The following CAMSAP2 variants were observed in gnomAD, a reference collection of about 807,000 sequenced individuals.
The protein encoded by CAMSAP2 is calmodulin regulated spectrin associated protein family member 2, also known as calmodulin-regulated spectrin-associated protein 2.
A neutral mutation model predicts 146.1 loss-of-function variants in CAMSAP2; 26 were observed. The observed-to-expected ratio is 0.18, with a 90% CI of 0.13 to 0.25. The LOEUF is 0.25. Ranked by LOEUF, CAMSAP2 falls within the 10% of genes least tolerant of loss-of-function variation. The pLI, the probability that CAMSAP2 is intolerant of heterozygous loss-of-function variation, is 1.00. For synonymous variants in CAMSAP2, 499 were observed against 596.6 expected (o/e 0.84, Z 2.38); for missense variants, 1,381 against 1,759.3 (o/e 0.78, Z 3.85).
At chr1:200,786,529 G>A (rs1276932024) in intron 2 of CAMSAP2, among the ~76,000 whole-genome samples, 1 of 151,962 alleles carries the variant, frequency 6.6e-6, no homozygotes, top group Admixed American at 6.6e-5. Context: ...AATTATAGGC[G>A]CCCACCACCA....
At chr1:200,772,650 A>G (rs1454888801) in intron 2 of CAMSAP2, among the ~76,000 whole-genome samples, 2 of 152,136 alleles carry the variant, frequency 1.3e-5, no homozygotes, top group Non-Finnish European at 2.9e-5. Context: ...AAAAATACAA[A>G]TGTAGTTAAA....
chr1:200,840,277 C>G (rs1260434024), intron 6 of CAMSAP2, among the ~76,000 whole-genome samples: 1 of 151,988 alleles, frequency 6.6e-6, no homozygotes, highest in Non-Finnish European at 1.5e-5. Context: ...CTTCTCTTTT[C>G]ATCACTTTCT....
chr1:200,794,995 G>A (rs1665847107), intron 2 of CAMSAP2, among the ~76,000 whole-genome samples: 1 of 152,176 alleles, frequency 6.6e-6, no homozygotes, highest in South Asian at 2.1e-4. Context: ...TATAGTTGAG[G>A]TATTGAAGCA....
intron 1 of CAMSAP2, among the ~76,000 whole-genome samples, chr1:200,758,298 A>G (rs1664702363): frequency 6.6e-6 from 1 of 152,246 alleles, no homozygotes; most frequent in Admixed American, 6.5e-5. Flanking sequence ...TTTTACTGAT[A>G]CAGGAAATAA....
chr1:200,825,442 T>C (rs1482902198), intron 4 of CAMSAP2, among the ~76,000 whole-genome samples: 1 of 152,108 alleles, frequency 6.6e-6, no homozygotes, highest in African/African-American at 2.4e-5. Flanking sequence ...CTCTTTTCAG[T>C]AACTGTATAT....
intron 2 of CAMSAP2, among the ~76,000 whole-genome samples, chr1:200,774,145 G>A (rs1228607251): frequency 6.6e-6 from 1 of 151,876 alleles, no homozygotes; most frequent in Non-Finnish European, 1.5e-5. Context: ...AACCATTTTT[G>A]CAATTTGTTA....
At chr1:200,790,350 G>A (rs1571757571) in intron 2 of CAMSAP2, among the ~76,000 whole-genome samples, 1 of 152,266 alleles carries the variant, frequency 6.6e-6, no homozygotes, top group Non-Finnish European at 1.5e-5. Context: ...GGGCAGCGGG[G>A]CTGGGGGGAA....
chr1:200,739,299 C>T lies in CAMSAP2; in HGVS notation c.-529C>T, dbSNP rs1371486764. 6.6e-6 allele frequency among the ~76,000 whole-genome samples: 1 copy of T among 152,152 alleles called. No individual in the cohort carries two copies. The highest frequency in any genetic ancestry group is 1.5e-5 in the Non-Finnish European group (1 of 67,998). On this transcript the variant is annotated 5_prime_UTR_variant, in exon 1 of 17. Coordinates refer to ENST00000358823, the MANE Select transcript of CAMSAP2 (RefSeq NM_203459.4). The surrounding 1 kb of genome is among the most constrained non-coding windows in gnomAD (Gnocchi z 4.8). ...CGCTTCCCCCTCGTCCTGCTCGTCC[C>T]TCCGCCCACCCGGGGCCTGAGGGGT...
intron 2 of CAMSAP2, among the ~76,000 whole-genome samples, chr1:200,781,046 CT>C (rs756190403): frequency 1.8e-4 from 28 of 152,156 alleles, no homozygotes; most frequent in Non-Finnish European, 3.8e-4. Flanking sequence ...TGCTGACAAA[CT>C]TTTTTTCAGG....
In CAMSAP2 at chr1:200,796,269, T is replaced by TA. The variant is rs1000746626; in HGVS notation, c.400-11099dup. Among the ~76,000 whole-genome samples, 7 of 152,094 alleles carry TA rather than the reference T, an allele frequency of 4.6e-5. No individual in the cohort carries two copies. In the East Asian group the frequency reaches 5.8e-4, roughly 13 times the overall value. On this transcript the variant is annotated intron_variant, in intron 2 of 16. Coordinates refer to ENST00000358823, the MANE Select transcript of CAMSAP2 (RefSeq NM_203459.4). ...AATAGTTAAACAAAATTTTTTGTGTTAAAAAAAATCAATTGACCATAGACA... is the reference window on the plus strand; with the variant it reads ...AATAGTTAAACAAAATTTTTTGTGTTAAAAAAAAATCAATTGACCATAGACA...
At chr1:200,762,994 G>A (rs1664842487) in intron 2 of CAMSAP2, among the ~76,000 whole-genome samples, 1 of 151,996 alleles carries the variant, frequency 6.6e-6, no homozygotes, top group Non-Finnish European at 1.5e-5. Flanking sequence ...CAGCCTTCTG[G>A]TTTCAAGCAA....
At chr1:200,826,022 T>C (rs1666896762) in intron 4 of CAMSAP2, among the ~76,000 whole-genome samples, 1 of 152,218 alleles carries the variant, frequency 6.6e-6, no homozygotes. Context: ...GAAGGGTAAA[T>C]GCATACTGTA....
chr1:200,827,026 T>G (rs1237962725), intron 4 of CAMSAP2, among the ~76,000 whole-genome samples: 1 of 152,232 alleles, frequency 6.6e-6, no homozygotes, highest in Non-Finnish European at 1.5e-5. Flanking sequence ...GCAAGGAACT[T>G]ATGCTATGTA....
intron 8 of CAMSAP2, 135 bp from the exon 9 acceptor site, chr1:200,847,075 A>C (rs2102246752): frequency 1.6e-6 from 1 of 609,596 alleles, no homozygotes; most frequent in Middle Eastern, 4.4e-4. Flanking sequence ...TTTGGTTTAA[A>C]CAATATGTTT....
At chr1:200,817,183 C>CATATGTGTGTGTGTAT (rs1370112352) in intron 4 of CAMSAP2, among the ~76,000 whole-genome samples, 2 of 66,322 alleles carry the variant, frequency 3.0e-5, no homozygotes, top group South Asian at 6.8e-4. Context: ...TATATACACA[C>CATATGTGTGTGTGTAT]ACACACATGT....
chr1:200,817,136 GTA>G (rs1346649752), intron 4 of CAMSAP2, among the ~76,000 whole-genome samples: 20 of 133,020 alleles, frequency 1.5e-4, no homozygotes, highest in Admixed American at 1.3e-3. Flanking sequence ...GTATATATGT[GTA>G]TATATACACA....
At position 200,857,422 on chromosome 1, in the gene CAMSAP2, G is replaced by C. The variant is rs1319598392; in HGVS notation, c.4129G>C (p.Glu1377Gln). 2.5e-6 allele frequency: 4 copies of C among 1,591,784 alleles called. No homozygotes were observed. In the South Asian group the frequency reaches 4.4e-5, roughly 18 times the overall value. Residue 1377 changes from glutamate (E) to glutamine (Q), a missense_variant and splice_region_variant, in exon 16 of 17, where the codon GAG (glutamate) becomes CAG (glutamine). Glu to Gln is a conservative substitution (Grantham distance 29). Transcript: ENST00000358823. The surrounding 1 kb of genome is among the most constrained non-coding windows in gnomAD (Gnocchi z 4.7). Reference protein sequence around the residue: ...VNEGQKKKILEEMEKSDANNF... With the variant: ...VNEGQKKKILQEMEKSDANNF... The stretch of plus-strand genomic sequence containing the variant: ...TGAAGGTCAGAAGAAAAAAATACTG[G>C]AGGTAAGCATGTTTGCATGAAAATT...
chr1:200,754,867 C>T (rs555167575), intron 1 of CAMSAP2, among the ~76,000 whole-genome samples: 1 of 149,984 alleles, frequency 6.7e-6, no homozygotes, highest in Non-Finnish European at 1.5e-5. Context: ...CAGGCGTGAG[C>T]CACCGCGCCT....
intron 7 of CAMSAP2, among the ~76,000 whole-genome samples, chr1:200,843,250 G>C (rs1330472010): frequency 6.6e-6 from 1 of 152,152 alleles, no homozygotes; most frequent in Non-Finnish European, 1.5e-5. Flanking sequence ...TAAAAGAAGA[G>C]AAAGTGATCA....
Sources: gnomAD v4.1 joint callset for allele counts (sites outside exome capture counted in the v4.1 genomes callset) on GRCh38, gnomAD v4.1.1 for gene constraint, Gnocchi (gnomAD v3.1) non-coding constraint, MANE v1.5 for transcripts, NCBI Gene and HGNC (gene_info 2026-07-23, HGNC 2026-07-21) for gene names.